The following TBCD variants were observed in gnomAD, a reference collection of about 807,000 sequenced individuals.
TBCD encodes the protein tubulin-specific chaperone D.
In TBCD, 105 loss-of-function variants were observed where a neutral mutation model predicts 169.3. The ratio of observed to expected loss-of-function variants is 0.62; its 90% CI spans 0.53 to 0.73. The LOEUF (loss-of-function observed/expected upper bound fraction) is 0.73, where lower values mean the gene tolerates loss of function less well. Among genes scored for constraint, TBCD ranks in the 30% least tolerant of loss-of-function variants. The pLI, the probability that TBCD is intolerant of heterozygous loss-of-function variation, is 0.00. For synonymous variants in TBCD, 700 were observed against 643.9 expected (o/e 1.09, Z -1.32); for missense variants, 1,444 against 1,600.1 (o/e 0.90, Z 1.66).
At chr17:82,941,576 A>T (rs912443412) in intron 38 of TBCD, 93 bp downstream of exon 38, 5 of 1,127,358 alleles carry the variant, frequency 4.4e-6, no homozygotes, top group Non-Finnish European at 5.1e-6. Context: ...TTCTGCCAGC[A>T]CGTCCACACG....
rs1210561110 is a variant in TBCD, at chr17:82,752,154, C to T, written c.-40C>T. The T allele has an allele frequency of 1.2e-5, 18 of 1,473,012 alleles. No homozygotes were observed. The East Asian group carries it at 3.0e-4, about 24-fold the overall frequency. The allele number at this position is 1,473,012 out of a possible 1,614,324, so 91.2% of individuals were successfully genotyped here. ...TCGCGCTCTAGCGGAGTGGGATCTG[C>T]GAACACGTGAGGCGGGGGCGCGGTC... On this transcript the variant is annotated 5_prime_UTR_variant, in exon 1 of 39. Transcript: ENST00000355528.
At position 82,864,105 on chromosome 17, in the gene TBCD, G is replaced by A. The variant is rs1238196547; in HGVS notation, c.1319-6119G>A. Among the ~76,000 whole-genome samples, 1 of 152,236 alleles carries A rather than the reference G, an allele frequency of 6.6e-6. No individual in the cohort carries two copies. On this transcript the variant is annotated intron_variant, in intron 13 of 38. Transcript: ENST00000355528. This position sits in a 1 kb window ranked among gnomAD's most constrained non-coding sequence, Gnocchi z 6.3. ...GTGAAGGGAGCTGCCTGCTGTTGAC[G>A]CTCCACAGGAGGTTTGCGGCATGGC...
chr17:82,923,778 A>G lies in TBCD; in HGVS notation c.2260+45A>G. ...CTTGAAGACTCCAGGGGCTTCCAGCAGGAAGCTGCTGGGGAGTGTCTGGGC... is the reference window on the plus strand; with the variant it reads ...CTTGAAGACTCCAGGGGCTTCCAGCGGGAAGCTGCTGGGGAGTGTCTGGGC... On this transcript the variant is annotated intron_variant, in intron 26 of 38. Transcript: ENST00000355528. The surrounding 1 kb of genome is among the most constrained non-coding windows in gnomAD (Gnocchi z 4.6). 6.6e-7 allele frequency: 1 copy of G among 1,504,018 alleles called. No individual in the cohort carries two copies. Among genetic ancestry groups the G allele is most frequent in the Non-Finnish European group, 9.0e-7 (1 of 1,108,700 alleles). 93.2% of individuals were successfully genotyped at this position (1,504,018 alleles called of 1,614,324 possible).
intron 27 of TBCD, among the ~76,000 whole-genome samples, chr17:82,925,846 G>A (rs577626921): frequency 6.6e-6 from 1 of 152,308 alleles, no homozygotes; most frequent in South Asian, 2.1e-4. Flanking sequence ...TAGGACAAAA[G>A]GGGGGGACCT....
chr17:82,775,977 G>C (rs1169923799), intron 6 of TBCD, among the ~76,000 whole-genome samples: 1 of 152,166 alleles, frequency 6.6e-6, no homozygotes, highest in Non-Finnish European at 1.5e-5. Flanking sequence ...AGCACTTTGG[G>C]AGGCTGAGGC....
intron 13 of TBCD, among the ~76,000 whole-genome samples, chr17:82,821,970 G>A (rs1365746497): frequency 6.6e-6 from 1 of 152,134 alleles, no homozygotes; most frequent in Non-Finnish European, 1.5e-5. Context: ...AATGTACAGA[G>A]TTGCATTGGA....
chr17:82,852,511 CAGG>C (rs1307783093), intron 13 of TBCD, among the ~76,000 whole-genome samples: 6 of 152,242 alleles, frequency 3.9e-5, no homozygotes, highest in Middle Eastern at 6.8e-3. Flanking sequence ...CCTGGGCCTG[CAGG>C]CGCTGCCTTC....
At position 82,831,823 on chromosome 17, in the gene TBCD, G is replaced by A; in HGVS notation, c.1318+16889G>A. ...TGGAAACTCTGGTGGAAGGAAAGGT[G>A]AGCCGGCTTTCCAGGGGTAGCCAGG... On this transcript the variant is annotated intron_variant, in intron 13 of 38. Transcript: ENST00000355528. This position sits in a 1 kb window ranked among gnomAD's most constrained non-coding sequence, Gnocchi z 4.6. 1.2e-6 allele frequency: 2 copies of A among 1,614,218 alleles called. No individual in the cohort carries two copies. The highest frequency in any genetic ancestry group is 2.7e-5 in the African/African-American group (2 of 75,050).
intron 8 of TBCD, among the ~76,000 whole-genome samples, chr17:82,799,937 A>G (rs1156244576): frequency 1.3e-5 from 2 of 152,154 alleles, no homozygotes; most frequent in Admixed American, 6.5e-5. Flanking sequence ...CGGCACCCAC[A>G]TAAAACTGGT....
rs2061488530 is a variant in TBCD at position 82,922,677 on chromosome 17, G to A, written c.2179-975G>A. The stretch of plus-strand genomic sequence containing the variant: ...CATGATGCTGGTGCACTTTGCCCCT[G>A]GGATTGGCACAGGTGGTGACTCGTG... On this transcript the variant is annotated intron_variant, in intron 25 of 38. Transcript: ENST00000355528. This position sits in a 1 kb window ranked among gnomAD's most constrained non-coding sequence, Gnocchi z 4.1. 6.6e-6 allele frequency among the ~76,000 whole-genome samples: 1 copy of A among 152,216 alleles called. No homozygotes were observed. The highest frequency in any genetic ancestry group is 2.1e-4 in the South Asian group (1 of 4,838).
chr17:82,768,247 G>T lies in TBCD; in HGVS notation c.436-173G>T, dbSNP rs116466614. Among the ~76,000 whole-genome samples, 1,513 of 152,210 alleles carry T rather than the reference G, an allele frequency of 9.9e-3. 21 individuals are homozygous for T. Among genetic ancestry groups the T allele is most frequent in the African/African-American group, 0.035 (1,438 of 41,512 alleles). On this transcript the variant is annotated intron_variant, in intron 4 of 38. Transcript: ENST00000355528. ...TGTGTGTGGTGGGGATTCCGGGGGG[G>T]ATGTGGCGAGGAGTTGGTGAACGGC... is the stretch of plus-strand genomic sequence containing the variant.
intron 2 of TBCD, among the ~76,000 whole-genome samples, chr17:82,760,272 C>T (rs1384021332): frequency 2.6e-5 from 4 of 152,134 alleles, no homozygotes; most frequent in African/African-American, 4.8e-5. Flanking sequence ...CGGATGAACT[C>T]CGGAATTATT....
chr17:82,752,095 C>CT lies in TBCD; in HGVS notation c.-98dup. 3 of 1,306,676 alleles carry CT rather than the reference C, an allele frequency of 2.3e-6. No individual in the cohort carries two copies. Among genetic ancestry groups the CT allele is most frequent in the Non-Finnish European group, 3.0e-6 (3 of 1,010,092 alleles). The allele number at this position is 1,306,676 out of a possible 1,614,324, so 80.9% of individuals were successfully genotyped here. ...CGTCGGTTGCCGCCTTAGCGGGCGC[C>CT]TCCTTTTCATCCCTCATCCTTCATC... On this transcript the variant is annotated 5_prime_UTR_variant, in exon 1 of 39. Coordinates refer to ENST00000355528, the MANE Select transcript of TBCD (RefSeq NM_005993.5).
intron 7 of TBCD, among the ~76,000 whole-genome samples, chr17:82,792,470 T>C (rs1046262691): frequency 1.3e-5 from 2 of 152,258 alleles, no homozygotes; most frequent in African/African-American, 4.8e-5. Flanking sequence ...TGTAGGACTC[T>C]AGTGCGATAC....
intron 13 of TBCD, among the ~76,000 whole-genome samples, chr17:82,846,221 C>CCTGTGCCGTGTCCT (rs2055037602): frequency 7.3e-5 from 7 of 95,740 alleles, no homozygotes; most frequent in South Asian, 3.5e-4. Context: ...TGCCACGTCC[C>CCTGTGCCGTGTCCT]CTCGTCCAGC....
chr17:82,898,556 A>G (rs1239682155), intron 17 of TBCD, among the ~76,000 whole-genome samples: 1 of 150,332 alleles, frequency 6.7e-6, no homozygotes, highest in Non-Finnish European at 1.5e-5. Flanking sequence ...TTTCTGCTAC[A>G]CTATTTTTTT....
Position 82,930,482 on chromosome 17 carries a change from CG to C in TBCD, c.2992-35del. The C allele has an allele frequency of 6.2e-7, 1 of 1,602,568 alleles. No individual in the cohort carries two copies. Among genetic ancestry groups the C allele is most frequent in the Non-Finnish European group, 8.5e-7 (1 of 1,175,688 alleles). ...AGCCAAGCCTGAGGGGTGGCAGGCT[CG>C]GGGGTCCCACTGCCTTCTGAGGTGT... On this transcript the variant is annotated intron_variant, in intron 32 of 38. Transcript: ENST00000355528. The surrounding 1 kb of genome is among the most constrained non-coding windows in gnomAD (Gnocchi z 5.2).
Position 82,930,407 on chromosome 17 carries a change from CTCT to C in TBCD, c.2992-114_2992-112del. 1 of 1,436,464 alleles carries C rather than the reference CTCT, an allele frequency of 7.0e-7. No individual in the cohort carries two copies. The highest frequency in any genetic ancestry group is 9.2e-7 in the Non-Finnish European group (1 of 1,084,528). The allele number at this position is 1,436,464 out of a possible 1,614,324, so 89.0% of individuals were successfully genotyped here. A position where few individuals can be genotyped will look rare whatever the true frequency, so the allele number is the denominator to read the frequency against. Reference sequence around the variant, plus strand: ...GCCGCTTGGGGCCAGACCTTCGCGTCTCTGCAGCTCGGAGCAGTTCTGCTCTTC... The same window carrying C: ...GCCGCTTGGGGCCAGACCTTCGCGTCGCAGCTCGGAGCAGTTCTGCTCTTC... On this transcript the variant is annotated intron_variant, in intron 32 of 38. Transcript: ENST00000355528. This position sits in a 1 kb window ranked among gnomAD's most constrained non-coding sequence, Gnocchi z 5.2.
rs2062018094 is a variant in TBCD at position 82,929,378 on chromosome 17, G to A, written c.2869G>A (p.Val957Met). 4 of 1,612,906 alleles carry A rather than the reference G, an allele frequency of 2.5e-6. No individual in the cohort carries two copies. Among genetic ancestry groups the A allele is most frequent in the South Asian group, 2.2e-5 (2 of 91,074 alleles). ...CTCTTGCAGGTCCGATGTGGCCTCC[G>A]TGAACTGGAGTGCACCTTCCCAGGC... Reference protein sequence around the residue: ...KLFPRSDVASVNWSAPSQAFP... With the variant: ...KLFPRSDVASMNWSAPSQAFP... The change falls in exon 32 of 39, where the codon GTG becomes ATG. Residue 957 changes from valine to methionine, a missense_variant. By Grantham distance (21) the Val-to-Met change is conservative. Coordinates refer to ENST00000355528, the MANE Select transcript of TBCD (RefSeq NM_005993.5).
Sources: allele counts gnomAD v4.1 joint callset (sites outside exome capture counted in the v4.1 genomes callset), GRCh38; gene constraint gnomAD v4.1.1; non-coding constraint Gnocchi (gnomAD v3.1); transcripts MANE v1.5; gene names NCBI Gene and HGNC (gene_info 2026-07-23, HGNC 2026-07-21).